Variants in ZNF496 observed in about 807,000 individuals in gnomAD.
ZNF496 encodes zinc finger protein 496.
In ZNF496, 11 loss-of-function variants were observed where a neutral mutation model predicts 58.9. The ratio of observed to expected loss-of-function variants is 0.19; its 90% CI spans 0.12 to 0.31. The LOEUF (loss-of-function observed/expected upper bound fraction) is 0.31. Ranked by LOEUF, ZNF496 falls within the 10% of genes least tolerant of loss-of-function variation. The pLI is 1.00. For missense variants in ZNF496, 660 were observed against 783.0 expected (o/e 0.84, Z 1.88); for synonymous variants, 338 against 318.2 (o/e 1.06, Z -0.66).
chr1:247,324,046 G>C (rs1159541248), intron 5 of ZNF496, among the ~76,000 whole-genome samples: 1 of 143,112 alleles, frequency 7.0e-6, no homozygotes, highest in Non-Finnish European at 1.5e-5. Flanking sequence ...CTGCACTCCA[G>C]CCTGGGTGAC....
intron 6 of ZNF496, among the ~76,000 whole-genome samples, chr1:247,321,680 T>C (rs1347837733): frequency 6.6e-6 from 1 of 152,250 alleles, no homozygotes; most frequent in Non-Finnish European, 1.5e-5. Flanking sequence ...GTGCTCGCTA[T>C]GGCATTTACT....
intron 6 of ZNF496, chr1:247,322,607 C>A: frequency 2.8e-6 from 2 of 710,564 alleles, no homozygotes; most frequent in South Asian, 1.6e-5. Flanking sequence ...CAGCCCCCAG[C>A]CCTGACTCTG....
chr1:247,330,470 A>G (rs1660285636), intron 2 of ZNF496, among the ~76,000 whole-genome samples: 1 of 152,204 alleles, frequency 6.6e-6, no homozygotes, highest in Non-Finnish European at 1.5e-5. Flanking sequence ...TGCACAGCTC[A>G]GCCCTCAAAG....
rs2103019670 is a variant in ZNF496, at chr1:247,308,407, T to C, written c.1006+68A>G. 7.2e-7 allele frequency: 1 copy of C among 1,396,884 alleles called. No individual in the cohort carries two copies. Among genetic ancestry groups the C allele is most frequent in the Non-Finnish European group, 1.0e-6 (1 of 984,732 alleles). 86.5% of individuals were successfully genotyped at this position (1,396,884 alleles called of 1,614,324 possible). ...AACCATCCCCTATGCCACACATGCA[T>C]ACATACATTCATGCGACACACCACA... On this transcript the variant is annotated intron_variant, in intron 9 of 9. Coordinates refer to ENST00000682384, the MANE Select transcript of ZNF496 (RefSeq NM_032752.3). The surrounding 1 kb of genome is among the most constrained non-coding windows in gnomAD (Gnocchi z 4.5).
intron 9 of ZNF496, among the ~76,000 whole-genome samples, chr1:247,305,991 C>G (rs1036647569): frequency 6.6e-6 from 1 of 152,174 alleles, no homozygotes; most frequent in Non-Finnish European, 1.5e-5. Context: ...ATGGAAGAAA[C>G]TATGTATGAA....
rs1374895915 is a variant in ZNF496 at position 247,309,694 on chromosome 1, C to T, written c.892+5G>A. The stretch of plus-strand genomic sequence containing the variant: ...TGTCCACTCAGTTCTGGAATCATTA[C>T]TCACCCAAGTAGGAGACCTGGGGCA... On this transcript the variant is annotated splice_donor_5th_base_variant and intron_variant, in intron 8 of 9. Coordinates refer to ENST00000682384, the MANE Select transcript of ZNF496 (RefSeq NM_032752.3). This position sits in a 1 kb window ranked among gnomAD's most constrained non-coding sequence, Gnocchi z 4.3. The T allele has an allele frequency of 6.2e-7, 1 of 1,614,136 alleles. No individual in the cohort carries two copies. Among genetic ancestry groups the T allele is most frequent in the Non-Finnish European group, 8.5e-7 (1 of 1,180,028 alleles).
intron 6 of ZNF496, among the ~76,000 whole-genome samples, chr1:247,316,218 T>G (rs772293086): frequency 1.4e-4 from 1 of 6,926 alleles, no homozygotes; most frequent in Non-Finnish European, 4.9e-4. Context: ...CGCGTGCGCG[T>G]GTGTGTGTGT....
Position 247,309,996 on chromosome 1 carries a change from TGG to T in ZNF496, c.785-192_785-191del. 1 of 1,382,252 alleles carries T rather than the reference TGG, an allele frequency of 7.2e-7. No homozygotes were observed. The highest frequency in any genetic ancestry group is 1.5e-5 in the African/African-American group (1 of 68,690). The allele number at this position is 1,382,252 out of a possible 1,614,324, so 85.6% of individuals were successfully genotyped here. On this transcript the variant is annotated intron_variant, in intron 7 of 9. Coordinates refer to ENST00000682384, the MANE Select transcript of ZNF496 (RefSeq NM_032752.3). The surrounding 1 kb of genome is among the most constrained non-coding windows in gnomAD (Gnocchi z 4.3). ...GCACACGCAGGGAGAGCTATGGGCT[TGG>T]GGGTCTCTCTGAGGCTTTCGGGTGT...
chr1:247,322,367 G>C (rs904018856), intron 6 of ZNF496, among the ~76,000 whole-genome samples: 1 of 152,198 alleles, frequency 6.6e-6, no homozygotes, highest in East Asian at 1.9e-4. Context: ...CTGAGACATG[G>C]TAATAAGAGT....
At chr1:247,312,740 A>G (rs1659643162) in intron 6 of ZNF496, 1 of 152,044 alleles carries the variant, frequency 6.6e-6, no homozygotes, top group Non-Finnish European at 1.5e-5. Context: ...TCTCAAAAAA[A>G]AAAAAAAAAG....
At chr1:247,324,124 A>G (rs1038351860) in intron 5 of ZNF496, among the ~76,000 whole-genome samples, 3 of 151,744 alleles carry the variant, frequency 2.0e-5, no homozygotes, top group African/African-American at 7.3e-5. Flanking sequence ...AATCAGAATT[A>G]CTGTGGAACT....
chr1:247,310,435 C>T lies in ZNF496; in HGVS notation c.673G>A (p.Asp225Asn). The T allele has an allele frequency of 6.2e-7, 1 of 1,614,178 alleles. No homozygotes were observed. The highest frequency in any genetic ancestry group is 2.2e-5 in the East Asian group (1 of 44,888). The change falls in exon 7 of 10, where the codon GAC (aspartate) becomes AAC (asparagine). Residue 225 changes from aspartate to asparagine, a missense_variant. Coordinates refer to ENST00000682384, the MANE Select transcript of ZNF496 (RefSeq NM_032752.3). ...LPPSRVSPFK[D>N]MILCFSEEDW... is the part of the protein sequence containing the mutation. ...TCTTCAGAGAAGCATAAAATCATGT[C>T]CTTGAATGGAGAAACCCGACTCTGA...
At chr1:247,317,627 G>A (rs962330244) in intron 6 of ZNF496, among the ~76,000 whole-genome samples, 3 of 151,580 alleles carry the variant, frequency 2.0e-5, no homozygotes, top group Non-Finnish European at 4.4e-5. Flanking sequence ...ACTCCCACTC[G>A]GGTGTATGAG....
At chr1:247,322,781 G>C (rs1335349948) in intron 6 of ZNF496, 5 of 1,296,356 alleles carry the variant, frequency 3.9e-6, no homozygotes, top group African/African-American at 1.5e-5. Flanking sequence ...CCATTGCTGC[G>C]ATGATTATTA....
intron 6 of ZNF496, among the ~76,000 whole-genome samples, chr1:247,316,448 T>C (rs1659784002): frequency 6.6e-6 from 1 of 151,938 alleles, no homozygotes; most frequent in South Asian, 2.1e-4. Context: ...TAGGTTGTCA[T>C]GGGAGTGGAA....
intron 5 of ZNF496, among the ~76,000 whole-genome samples, chr1:247,325,027 A>T (rs537418950): frequency 1.3e-5 from 2 of 152,384 alleles, no homozygotes; most frequent in African/African-American, 4.8e-5. Flanking sequence ...CCTTTCTCAG[A>T]TTAAGACTTG....
At chr1:247,310,259 C>T in intron 7 of ZNF496, 65 bp downstream of exon 7, 2 of 1,605,264 alleles carry the variant, frequency 1.2e-6, no homozygotes, top group South Asian at 1.1e-5. Context: ...TTGACTCTTA[C>T]TCCAAGTGAG....
chr1:247,318,367 C>T (rs1479189392), intron 6 of ZNF496, among the ~76,000 whole-genome samples: 1 of 152,084 alleles, frequency 6.6e-6, no homozygotes, highest in South Asian at 2.1e-4. Flanking sequence ...GAGACATAAA[C>T]CTAGAAATGT....
intron 9 of ZNF496, chr1:247,307,622 A>C: frequency 1.0e-6 from 1 of 985,370 alleles, no homozygotes; most frequent in Non-Finnish European, 1.2e-6. Flanking sequence ...CAGATCTCCC[A>C]CACTAGAAAA....
Sources: gnomAD v4.1 joint callset for allele counts (sites outside exome capture counted in the v4.1 genomes callset) on GRCh38, gnomAD v4.1.1 for gene constraint, Gnocchi (gnomAD v3.1) non-coding constraint, MANE v1.5 for transcripts, NCBI Gene and HGNC (gene_info 2026-07-23, HGNC 2026-07-21) for gene names.